The following AGBL4 variants were observed in gnomAD, a reference collection of about 807,000 sequenced individuals.
The protein encoded by AGBL4 is cytosolic carboxypeptidase 6.
AGBL4 carries 58 observed loss-of-function variants against 66.4 expected under a neutral mutation model. The observed-to-expected ratio is 0.87, with a 90% CI of 0.71 to 1.09. The LOEUF is 1.09. AGBL4 is among the 50% of genes least tolerant of loss of function. The pLI is 0.00. For synonymous variants in AGBL4, 234 were observed against 222.9 expected, an observed-to-expected ratio of 1.05 and a Z score of -0.44; for missense variants, 579 against 631.0, an observed-to-expected ratio of 0.92 and a Z score of 0.88.
intron 11 of AGBL4, among the ~76,000 whole-genome samples, chr1:48,564,135 G>A (rs1644438422): frequency 6.6e-6 from 1 of 151,910 alleles, no homozygotes; most frequent in African/African-American, 2.4e-5. Context: ...CCATTGCACA[G>A]CCTCTGCCCC....
intron 3 of AGBL4, among the ~76,000 whole-genome samples, chr1:49,397,553 C>T (rs2148604725): frequency 6.6e-6 from 1 of 152,202 alleles, no homozygotes; most frequent in Non-Finnish European, 1.5e-5. Flanking sequence ...GAATAATATA[C>T]AGGTAAAATT....
In AGBL4 at chr1:49,596,238, G is replaced by C. The variant is rs143824212; in HGVS notation, c.282+101075C>G. Among the ~76,000 whole-genome samples the C allele has an allele frequency of 9.3e-4, 141 of 152,238 alleles. 6 individuals carry two copies. The East Asian group carries it at 0.023, about 25-fold the overall frequency. On this transcript the variant is annotated intron_variant, in intron 3 of 13. Coordinates refer to ENST00000371839, the MANE Select transcript of AGBL4 (RefSeq NM_032785.4). ...CTGGAGTGCAAGTGGCGCAATCTCGGCTCACTGCAACCTCTGCCTCATGGG... is the reference window on the plus strand; with the variant it reads ...CTGGAGTGCAAGTGGCGCAATCTCGCCTCACTGCAACCTCTGCCTCATGGG...
intron 4 of AGBL4, among the ~76,000 whole-genome samples, chr1:49,089,305 A>G (rs1014772064): frequency 1.3e-5 from 2 of 151,900 alleles, no homozygotes; most frequent in Admixed American, 6.6e-5. Flanking sequence ...CAAAAGATCA[A>G]TGGATACAGG....
At chr1:48,802,244 C>T (rs1054021509) in intron 6 of AGBL4, among the ~76,000 whole-genome samples, 1 of 152,156 alleles carries the variant, frequency 6.6e-6, no homozygotes, top group African/African-American at 2.4e-5. Flanking sequence ...ATGGATTTCT[C>T]ACTGATTTTT....
chr1:48,714,611 T>A (rs1281531076), intron 6 of AGBL4, among the ~76,000 whole-genome samples: 1 of 152,216 alleles, frequency 6.6e-6, no homozygotes, highest in African/African-American at 2.4e-5. Context: ...CCATTCATCA[T>A]CTACGATTCC....
chr1:49,938,612 C>A (rs1386715871), intron 1 of AGBL4, among the ~76,000 whole-genome samples: 1 of 152,130 alleles, frequency 6.6e-6, no homozygotes, highest in Non-Finnish European at 1.5e-5. Context: ...TACTGGCAAA[C>A]CGAATCCAAC....
intron 5 of AGBL4, among the ~76,000 whole-genome samples, chr1:48,969,809 A>C (rs1006944019): frequency 1.3e-5 from 2 of 152,164 alleles, no homozygotes; most frequent in African/African-American, 4.8e-5. Context: ...TATCTACCCT[A>C]TAGGATTATT....
intron 4 of AGBL4, among the ~76,000 whole-genome samples, chr1:49,056,550 A>C (rs1644312982): frequency 6.6e-6 from 1 of 152,152 alleles, no homozygotes; most frequent in Admixed American, 6.5e-5. Flanking sequence ...TTGTGTCTCT[A>C]GGAATGGTAA....
chr1:49,927,038 G>A (rs990511436), intron 1 of AGBL4, among the ~76,000 whole-genome samples: 1 of 152,166 alleles, frequency 6.6e-6, no homozygotes, highest in African/African-American at 2.4e-5. Flanking sequence ...GAAAGGTGTA[G>A]GCTTGAAGGC....
At chr1:49,842,765 T>C (rs1419532570) in intron 2 of AGBL4, among the ~76,000 whole-genome samples, 4 of 151,866 alleles carry the variant, frequency 2.6e-5, no homozygotes, top group African/African-American at 7.3e-5. Context: ...AGATGAGGGA[T>C]AGCCTCTCTA....
In AGBL4 at chr1:48,992,313, C is replaced by T. The variant is rs180961100; in HGVS notation, c.594+53271G>A. On this transcript the variant is annotated intron_variant, in intron 5 of 13. Transcript: ENST00000371839. Reference sequence around the variant, plus strand: ...TGAAAGAATTATCTGGATTACCAGACGGAGACTCTTGTTCTCTTCCTTCCA... The same window carrying T: ...TGAAAGAATTATCTGGATTACCAGATGGAGACTCTTGTTCTCTTCCTTCCA... Among the ~76,000 whole-genome samples, 35 of 151,944 alleles carry T rather than the reference C, an allele frequency of 2.3e-4. No individual in the cohort carries two copies. The East Asian group carries it at 4.1e-3, about 18-fold the overall frequency.
intron 6 of AGBL4, among the ~76,000 whole-genome samples, chr1:48,666,279 T>C (rs1016571424): frequency 6.6e-6 from 1 of 152,066 alleles, no homozygotes; most frequent in Admixed American, 6.6e-5. Flanking sequence ...CAATTAAACA[T>C]ATTCTTGGTG....
intron 6 of AGBL4, among the ~76,000 whole-genome samples, chr1:48,859,235 C>G (rs1017993846): frequency 1.3e-5 from 2 of 152,124 alleles, no homozygotes; most frequent in Non-Finnish European, 2.9e-5. Flanking sequence ...CTGGCAACAC[C>G]TGCAAATCCA....
intron 11 of AGBL4, among the ~76,000 whole-genome samples, chr1:48,576,434 T>C (rs985862228): frequency 6.6e-6 from 1 of 152,148 alleles, no homozygotes; most frequent in Non-Finnish European, 1.5e-5. Flanking sequence ...CCAAAGCATA[T>C]ATGTAGCCCC....
In AGBL4 at chr1:49,997,599, A is replaced by G. The variant is rs72905783; in HGVS notation, c.34+26164T>C. On this transcript the variant is annotated intron_variant, in intron 1 of 13. Coordinates refer to ENST00000371839, the MANE Select transcript of AGBL4 (RefSeq NM_032785.4). ...AAGAAATGAGATAGACATGAACACA[A>G]TAATAGTGGAAGACTTCAATACTCC... Among the ~76,000 whole-genome samples, 378 of 152,274 alleles carry G rather than the reference A, an allele frequency of 2.5e-3. 1 individual carries two copies. The highest frequency in any genetic ancestry group is 8.1e-3 in the African/African-American group (335 of 41,556).
chr1:48,819,751 A>C (rs1413689094), intron 6 of AGBL4, among the ~76,000 whole-genome samples: 1 of 152,222 alleles, frequency 6.6e-6, no homozygotes, highest in African/African-American at 2.4e-5. Context: ...CAAGACTCTT[A>C]ATAGGCTTTA....
chr1:50,019,184 T>G (rs1460504342), intron 1 of AGBL4, among the ~76,000 whole-genome samples: 1 of 151,866 alleles, frequency 6.6e-6, no homozygotes, highest in Non-Finnish European at 1.5e-5. Context: ...CATCCATACC[T>G]GCCAGATAAG....
At chr1:49,035,579 A>C (rs1351360573) in intron 5 of AGBL4, among the ~76,000 whole-genome samples, 1 of 152,068 alleles carries the variant, frequency 6.6e-6, no homozygotes, top group African/African-American at 2.4e-5. Flanking sequence ...CCACCTCCTG[A>C]GATCTTACTG....
intron 1 of AGBL4, among the ~76,000 whole-genome samples, chr1:49,963,423 T>C (rs1407904425): frequency 1.3e-5 from 2 of 152,164 alleles, no homozygotes; most frequent in Non-Finnish European, 2.9e-5. Context: ...CCTAACTCTT[T>C]TTCTGTGCCT....
Sources: gnomAD v4.1 joint callset for allele counts (sites outside exome capture counted in the v4.1 genomes callset) on GRCh38, gnomAD v4.1.1 for gene constraint, MANE v1.5 for transcripts, NCBI Gene and HGNC (gene_info 2026-07-23, HGNC 2026-07-21) for gene names.